The following TFAP4 variants were observed in gnomAD, a reference collection of about 807,000 sequenced individuals.
TFAP4 encodes the protein transcription factor AP-4, also known as activating enhancer-binding protein 4.
Under a neutral mutation model 40.4 loss-of-function variants are expected in TFAP4, and 7 were observed. That is an observed-to-expected ratio of 0.17 (90% CI 0.10 to 0.33). The LOEUF is 0.33. Ranked by LOEUF, TFAP4 falls within the 10% of genes least tolerant of loss-of-function variation. The pLI is 1.00. For synonymous variants in TFAP4, 218 were observed against 181.4 expected (o/e 1.20, Z -1.62); for missense variants, 374 against 451.1 (o/e 0.83, Z 1.55).
intron 3 of TFAP4, 48 bp downstream of exon 3, chr16:4,262,276 A>G (rs376265216): frequency 2.3e-4 from 372 of 1,588,378 alleles, no homozygotes; most frequent in Non-Finnish European, 3.1e-4. Flanking sequence ...GGCTGGGTCC[A>G]AGGCATGCCC....
chr16:4,267,665 G>A lies in TFAP4; in HGVS notation c.90-4964C>T, dbSNP rs539013474. ...GCCTGCCCAGCTCCAGCCTCAAACC[G>A]GCCACTGAGAACTTTCATTTCACAC... On this transcript the variant is annotated intron_variant, in intron 1 of 6. Coordinates refer to ENST00000204517, the MANE Select transcript of TFAP4 (RefSeq NM_003223.3). Among the ~76,000 whole-genome samples the A allele has an allele frequency of 1.8e-4, 28 of 152,234 alleles. No individual in the cohort carries two copies. In the East Asian group the frequency reaches 2.7e-3, roughly 15 times the overall value.
At position 4,257,914 on chromosome 16, in the gene TFAP4, G is replaced by T; in HGVS notation, c.*141C>A. 1.2e-6 allele frequency: 1 copy of T among 825,762 alleles called. No individual in the cohort carries two copies. Among genetic ancestry groups the T allele is most frequent in the Non-Finnish European group, 1.8e-6 (1 of 541,920 alleles). 51.2% of individuals were successfully genotyped at this position (825,762 alleles called of 1,614,324 possible). ...GGCTTCGTTCAAAGGTCGATTTACA[G>T]TATTGAAAAAGAGGTCATAAAAGAG... On this transcript the variant is annotated 3_prime_UTR_variant, in exon 7 of 7. Transcript: ENST00000204517.
At chr16:4,268,572 T>G (rs1001702853) in intron 1 of TFAP4, among the ~76,000 whole-genome samples, 6 of 152,020 alleles carry the variant, frequency 3.9e-5, no homozygotes, top group Admixed American at 2.0e-4. Context: ...TTTTTAAGTT[T>G]TATTATTTTT....
chr16:4,266,724 T>C (rs184937709), intron 1 of TFAP4: 15 of 152,346 alleles, frequency 9.8e-5, no homozygotes, highest in African/African-American at 3.4e-4. Flanking sequence ...AAGTTTCTGA[T>C]AGCTCTTTCT....
intron 4 of TFAP4, 132 bp downstream of exon 4, chr16:4,261,647 C>T (rs535072907): frequency 1.8e-6 from 2 of 1,106,216 alleles, no homozygotes; most frequent in South Asian, 1.7e-5. Flanking sequence ...TTGCTCCCCA[C>T]TCCTAGGCCT....
At chr16:4,261,755 G>A in intron 4 of TFAP4, 24 bp downstream of exon 4, 2 of 1,581,794 alleles carry the variant, frequency 1.3e-6, no homozygotes, top group Non-Finnish European at 1.7e-6. Flanking sequence ...CGCGCGCCGT[G>A]CCCAGCAGAG....
rs2052930864 is a variant in TFAP4 at position 4,260,006 on chromosome 16, C to T, written c.822+84G>A. 4 of 1,465,100 alleles carry T rather than the reference C, an allele frequency of 2.7e-6. No homozygotes were observed. In the East Asian group the frequency reaches 1.0e-4, roughly 37 times the overall value. The allele number at this position is 1,465,100 out of a possible 1,614,324, so 90.8% of individuals were successfully genotyped here. ...ACACAAGCACCATCTTCCTCCGCTTCTGCCCCTCTTTTCCAGTCTCCCCTA... is the reference window on the plus strand; with the variant it reads ...ACACAAGCACCATCTTCCTCCGCTTTTGCCCCTCTTTTCCAGTCTCCCCTA... On this transcript the variant is annotated intron_variant, in intron 6 of 6. Transcript: ENST00000204517.
chr16:4,258,075 C>T lies in TFAP4; in HGVS notation c.997G>A (p.Gly333Arg), dbSNP rs1597310329. 1 of 1,612,674 alleles carries T rather than the reference C, an allele frequency of 6.2e-7. No homozygotes were observed. Among genetic ancestry groups the T allele is most frequent in the South Asian group, 1.1e-5 (1 of 91,000 alleles). The change falls in exon 7 of 7, where the codon GGG becomes AGG. Residue 333 changes from glycine (G) to arginine (R), a missense_variant. Physicochemically the swap from Gly to Arg is moderately radical, Grantham distance 125 (BLOSUM62 -2). This residue lies in a region of TFAP4 where 93 missense variants were observed against 79.2 expected (regional missense o/e 1.17). Transcript: ENST00000204517. ...AMDQSREEPS[G>R]DGELP ...GGTAGTCAGGGAAGCTCCCCGTCCC[C>T]CGACGGCTCCTCCCGGCTCTGGTCC...
rs1177849478 is a variant in TFAP4, at chr16:4,261,966, G to A, written c.355-17C>T. The A allele has an allele frequency of 1.9e-6, 3 of 1,587,726 alleles. No homozygotes were observed. The highest frequency in any genetic ancestry group is 1.7e-6 in the Non-Finnish European group (2 of 1,169,880). ...GCTCAGCTCCTGGGGACCCCAAGGAGTCGGTCAGTGTGCCTGACACCTCGG... is the reference window on the plus strand; with the variant it reads ...GCTCAGCTCCTGGGGACCCCAAGGAATCGGTCAGTGTGCCTGACACCTCGG... On this transcript the variant is annotated splice_polypyrimidine_tract_variant and intron_variant, in intron 3 of 6. Transcript: ENST00000204517.
intron 1 of TFAP4, among the ~76,000 whole-genome samples, chr16:4,271,861 G>A (rs745808878): frequency 6.9e-4 from 105 of 152,304 alleles, no homozygotes; most frequent in Non-Finnish European, 8.5e-4. Context: ...CAGGGAAAGC[G>A]TGGCCCAGGA....
At chr16:4,271,665 G>C (rs565196593) in intron 1 of TFAP4, among the ~76,000 whole-genome samples, 1 of 152,286 alleles carries the variant, frequency 6.6e-6, no homozygotes, top group Non-Finnish European at 1.5e-5. Context: ...CACCCGGCTG[G>C]GGGACCCGAC....
At position 4,262,317 on chromosome 16, in the gene TFAP4, G is replaced by T. The variant is rs1322867600; in HGVS notation, c.354+7C>A. The T allele has an allele frequency of 5.6e-6, 9 of 1,613,914 alleles. No homozygotes were observed. The highest frequency in any genetic ancestry group is 1.3e-5 in the African/African-American group (1 of 74,948). On this transcript the variant is annotated splice_region_variant and intron_variant, in intron 3 of 6. Transcript: ENST00000204517. ...AGGGAGAGGGAGCCATGAAGGACAGGGCGCACCTGGATGAAGCGCTTGAGC... is the reference window on the plus strand; with the variant it reads ...AGGGAGAGGGAGCCATGAAGGACAGTGCGCACCTGGATGAAGCGCTTGAGC...
chr16:4,271,814 G>GC (rs1390194852), intron 1 of TFAP4, among the ~76,000 whole-genome samples: 1 of 152,220 alleles, frequency 6.6e-6, no homozygotes, highest in Non-Finnish European at 1.5e-5. Context: ...CACCTGGCCT[G>GC]CCTTGCCCAT....
chr16:4,260,656 C>T, intron 4 of TFAP4, 61 bp from the exon 5 acceptor site: 3 of 1,505,982 alleles, frequency 2.0e-6, no homozygotes, highest in Non-Finnish European at 2.7e-6. Flanking sequence ...CCCTGTCAGT[C>T]TCACAGCAGC....
Position 4,258,350 on chromosome 16 carries a change from T to A in TFAP4, c.823-101A>T. ...CAGCCACTGTCACCCCCAAAACACA[T>A]AGCCCAGAAAAAAGCCTGGCAAAGC... On this transcript the variant is annotated intron_variant, in intron 6 of 6. Transcript: ENST00000204517. 3 of 1,172,262 alleles carry A rather than the reference T, an allele frequency of 2.6e-6. No individual in the cohort carries two copies. In the South Asian group the frequency reaches 4.6e-5, roughly 18 times the overall value. The allele number at this position is 1,172,262 out of a possible 1,614,324, so 72.6% of individuals were successfully genotyped here.
intron 6 of TFAP4, 129 bp from the exon 7 acceptor site, chr16:4,258,378 C>CA (rs1467903640): frequency 1.2e-6 from 1 of 846,702 alleles, no homozygotes; most frequent in Non-Finnish European, 1.8e-6. Flanking sequence ...GGCAAAGCAG[C>CA]AGGGGAGGCC....
At chr16:4,271,220 G>A (rs560984332) in intron 1 of TFAP4, among the ~76,000 whole-genome samples, 1 of 152,340 alleles carries the variant, frequency 6.6e-6, no homozygotes, top group Admixed American at 6.5e-5. Context: ...GGGTTGGGCA[G>A]GAGTGTCTAC....
intron 3 of TFAP4, 183 bp downstream of exon 3, chr16:4,262,141 C>T: frequency 1.1e-6 from 1 of 891,296 alleles, no homozygotes; most frequent in Non-Finnish European, 1.7e-6. Context: ...CTGGCTCCTT[C>T]CAGAGCCCAC....
chr16:4,269,492 CAAAAAAAA>C (rs60856578), intron 1 of TFAP4, among the ~76,000 whole-genome samples: 1 of 43,222 alleles, frequency 2.3e-5, no homozygotes, highest in African/African-American at 1.0e-4. Flanking sequence ...GACTCTGCCT[CAAAAAAAA>C]AAAAAAAAAA....
Sources: gnomAD v4.1 joint callset for allele counts (sites outside exome capture counted in the v4.1 genomes callset) on GRCh38, gnomAD v4.1.1 for gene constraint, gnomAD v4.1.1 regional missense constraint, MANE v1.5 for transcripts, NCBI Gene and HGNC (gene_info 2026-07-23, HGNC 2026-07-21) for gene names.